FAM81A: variants seen among roughly 807,000 people sequenced by gnomAD.
FAM81A encodes the protein protein FAM81A.
In FAM81A, 19 loss-of-function variants were observed where a neutral mutation model predicts 46.7. The ratio of observed to expected loss-of-function variants is 0.41; its 90% CI spans 0.28 to 0.60. The LOEUF is 0.60. FAM81A is among the 20% of genes least tolerant of loss of function. The pLI, the probability that FAM81A is intolerant of heterozygous loss-of-function variation, is 0.34. For synonymous variants in FAM81A, 183 were observed against 152.9 expected (o/e 1.20, Z -1.45); for missense variants, 377 against 453.5 (o/e 0.83, Z 1.53).
chr15:59,455,562 G>T (rs2081473444), intron 1 of FAM81A, among the ~76,000 whole-genome samples: 1 of 152,206 alleles, frequency 6.6e-6, no homozygotes, highest in African/African-American at 2.4e-5. Context: ...TTCTGGCAAA[G>T]AATCGTGATG....
At chr15:59,458,332 T>C (rs993470898) in intron 1 of FAM81A, among the ~76,000 whole-genome samples, 5 of 152,210 alleles carry the variant, frequency 3.3e-5, no homozygotes, top group African/African-American at 1.2e-4. Flanking sequence ...GGCTTAGCAA[T>C]ATTAATTTCA....
At chr15:59,503,226 A>G (rs1245462228) in intron 4 of FAM81A, among the ~76,000 whole-genome samples, 1 of 131,962 alleles carries the variant, frequency 7.6e-6, no homozygotes, top group African/African-American at 3.0e-5. Context: ...ACAGAGTGAG[A>G]CTGTCTCAAA....
chr15:59,446,253 A>G (rs766297386), intron 1 of FAM81A, among the ~76,000 whole-genome samples: 1 of 152,264 alleles, frequency 6.6e-6, no homozygotes, highest in Non-Finnish European at 1.5e-5. Flanking sequence ...GCATTTCAAA[A>G]TAGCTGTTAT....
At chr15:59,520,458 A>C (rs2141854815) in intron 8 of FAM81A, among the ~76,000 whole-genome samples, 1 of 151,934 alleles carries the variant, frequency 6.6e-6, no homozygotes, top group South Asian at 2.1e-4. Context: ...TTCTTTATTT[A>C]GTCTCTATTA....
At chr15:59,437,775 T>C (rs780587013), upstream of FAM81A, among the ~76,000 whole-genome samples, 30 of 152,036 alleles carry the variant, frequency 2.0e-4, no homozygotes, top group Admixed American at 9.8e-4. Context: ...CTAGAGAGAA[T>C]TGCAGTGCCA....
intron 4 of FAM81A, among the ~76,000 whole-genome samples, chr15:59,506,065 G>T (rs1340337978): frequency 6.6e-6 from 1 of 152,124 alleles, no homozygotes; most frequent in African/African-American, 2.4e-5. Flanking sequence ...AGCATACTGG[G>T]TGTGACCATC....
intron 1 of FAM81A, among the ~76,000 whole-genome samples, chr15:59,441,737 C>G (rs1045888900): frequency 1.4e-4 from 21 of 152,212 alleles, no homozygotes; most frequent in Non-Finnish European, 1.0e-4. Context: ...CTCCCTGTCT[C>G]CATGACACTG....
chr15:59,425,068 A>G (rs182395775), intron 2 of FAM81A, among the ~76,000 whole-genome samples: 1 of 152,172 alleles, frequency 6.6e-6, no homozygotes, highest in East Asian at 1.9e-4. Flanking sequence ...TTTATTTTAT[A>G]GAGATGGGGT....
intron 3 of FAM81A, among the ~76,000 whole-genome samples, chr15:59,475,230 C>T (rs1456212993): frequency 3.3e-5 from 5 of 152,020 alleles, no homozygotes; most frequent in Admixed American, 6.5e-5. Flanking sequence ...CTGCAACCTC[C>T]GCCTCCCAGG....
At chr15:59,403,828 AGT>A (rs2140464704) in intron 2 of FAM81A, among the ~76,000 whole-genome samples, 2 of 152,014 alleles carry the variant, frequency 1.3e-5, no homozygotes, top group East Asian at 3.9e-4. Context: ...ATTTTTTTTC[AGT>A]GTTTTCAAGA....
At chr15:59,452,382 C>T (rs1378703074) in intron 1 of FAM81A, among the ~76,000 whole-genome samples, 1 of 152,234 alleles carries the variant, frequency 6.6e-6, no homozygotes, top group Non-Finnish European at 1.5e-5. Context: ...CGTAGTGGCT[C>T]ACGCCTGTAA....
chr15:59,437,519 G>C (rs1309039699), upstream of FAM81A, among the ~76,000 whole-genome samples: 1 of 152,142 alleles, frequency 6.6e-6, no homozygotes, highest in Non-Finnish European at 1.5e-5. Flanking sequence ...GGGCTGGGAA[G>C]AGGAGGGGTG....
At chr15:59,493,370 C>A (rs1317951560) in intron 4 of FAM81A, among the ~76,000 whole-genome samples, 1 of 152,164 alleles carries the variant, frequency 6.6e-6, no homozygotes, top group East Asian at 1.9e-4. Context: ...TGATCACTCT[C>A]CTTCTGTGAT....
At chr15:59,470,751 C>T (rs145319064) in intron 3 of FAM81A, among the ~76,000 whole-genome samples, 467 of 152,212 alleles carry the variant, frequency 3.1e-3, no homozygotes, top group African/African-American at 0.01. Flanking sequence ...TGAAATCACC[C>T]GTCTTCTGCA....
chr15:59,465,213 C>G (rs958162935), intron 3 of FAM81A, among the ~76,000 whole-genome samples: 1 of 152,094 alleles, frequency 6.6e-6, no homozygotes, highest in Non-Finnish European at 1.5e-5. Context: ...TTGGTTACTA[C>G]AGCTATGTAG....
chr15:59,498,041 A>G (rs1221793893), intron 4 of FAM81A, among the ~76,000 whole-genome samples: 1 of 152,112 alleles, frequency 6.6e-6, no homozygotes, highest in Admixed American at 6.5e-5. Flanking sequence ...CATTTTTTGT[A>G]GAGACAGGGT....
At position 59,521,568 on chromosome 15, in the gene FAM81A, T is replaced by TA; in HGVS notation, c.*191dup. 1 of 553,576 alleles carries TA rather than the reference T, an allele frequency of 1.8e-6. No individual in the cohort carries two copies. Among genetic ancestry groups the TA allele is most frequent in the Non-Finnish European group, 2.8e-6 (1 of 353,942 alleles). The allele number at this position is 553,576 out of a possible 1,614,324, so 34.3% of individuals were successfully genotyped here. On this transcript the variant is annotated 3_prime_UTR_variant, in exon 9 of 9. Coordinates refer to ENST00000288228, the MANE Select transcript of FAM81A (RefSeq NM_152450.3). ...ATACTCTTTTGTTAAAAGTATGAAATACAGTTTTTACCAGTTTATTTCACT... is the reference window on the plus strand; with the variant it reads ...ATACTCTTTTGTTAAAAGTATGAAATAACAGTTTTTACCAGTTTATTTCACT...
upstream of FAM81A, among the ~76,000 whole-genome samples, chr15:59,434,187 T>C (rs182448031): frequency 2.0e-5 from 3 of 152,286 alleles, no homozygotes; most frequent in African/African-American, 7.2e-5. Context: ...AAAATGGATA[T>C]GGCAATAATG....
chr15:59,422,044 T>G (rs2081176335), intron 2 of FAM81A, among the ~76,000 whole-genome samples: 1 of 152,156 alleles, frequency 6.6e-6, no homozygotes, highest in Non-Finnish European at 1.5e-5. Context: ...ATTGTATTTT[T>G]TTTAATTGAG....
Sources: gnomAD v4.1 joint callset for allele counts (sites outside exome capture counted in the v4.1 genomes callset) on GRCh38, gnomAD v4.1.1 for gene constraint, MANE v1.5 for transcripts, NCBI Gene and HGNC (gene_info 2026-07-23, HGNC 2026-07-21) for gene names.